CARMIL1: variants seen among roughly 807,000 people sequenced by gnomAD.
CARMIL1 encodes F-actin-uncapping protein LRRC16A.
A neutral mutation model predicts 177.1 loss-of-function variants in CARMIL1; 90 were observed. The ratio of observed to expected loss-of-function variants is 0.51; its 90% CI spans 0.43 to 0.61. The LOEUF (loss-of-function observed/expected upper bound fraction) is 0.61, where lower values mean the gene tolerates loss of function less well. Ranked by LOEUF, CARMIL1 falls within the 20% of genes least tolerant of loss-of-function variation. CARMIL1 has a pLI of 0.00. For synonymous variants in CARMIL1, 577 were observed against 606.2 expected (o/e 0.95, Z 0.71); for missense variants, 1,380 against 1,667.0 (o/e 0.83, Z 3.00).
intron 26 of CARMIL1, 109 bp downstream of exon 26, chr6:25,540,187 T>C: frequency 9.9e-7 from 1 of 1,007,864 alleles, no homozygotes; most frequent in Non-Finnish European, 1.3e-6. Context: ...GTGTGCATGC[T>C]GCAAAGATGT....
intron 29 of CARMIL1, among the ~76,000 whole-genome samples, chr6:25,560,697 G>A (rs554239810): frequency 2.6e-5 from 4 of 152,270 alleles, no homozygotes; most frequent in Admixed American, 6.5e-5. Context: ...CTGCTATAAT[G>A]AGTATATGGA....
intron 8 of CARMIL1, among the ~76,000 whole-genome samples, chr6:25,451,564 G>A (rs558046361): frequency 6.6e-6 from 1 of 152,104 alleles, no homozygotes; most frequent in Non-Finnish European, 1.5e-5. Context: ...TATATTTAGG[G>A]CTATGGCTTG....
intron 2 of CARMIL1, among the ~76,000 whole-genome samples, chr6:25,379,186 A>T (rs2150475834): frequency 6.6e-6 from 1 of 152,318 alleles, no homozygotes; most frequent in East Asian, 1.9e-4. Context: ...TCATGCCATT[A>T]TTAGCTTTGT....
intron 17 of CARMIL1, among the ~76,000 whole-genome samples, chr6:25,501,848 G>T (rs7743652): frequency 0.13 from 19,252 of 151,858 alleles, 1,650 homozygotes; most frequent in Admixed American, 0.18. Flanking sequence ...TTCTAGAAAT[G>T]GACAAGTCTG....
rs368383343 is a variant in CARMIL1 at position 25,620,460 on chromosome 6, CTTACA to C, written c.*883_*887del. The C allele has an allele frequency of 2.0e-5, 3 of 152,186 alleles. No homozygotes were observed. Among genetic ancestry groups the C allele is most frequent in the Admixed American group, 6.5e-5 (1 of 15,280 alleles). The allele number at this position is 152,186 out of a possible 1,614,324, so 9.4% of individuals were successfully genotyped here. A position where few individuals can be genotyped will look rare whatever the true frequency, so the allele number is the denominator to read the frequency against. On this transcript the variant is annotated 3_prime_UTR_variant, in exon 37 of 37. Transcript: ENST00000329474. ...TTATAAGACATTTCACAAATATTCA[CTTACA>C]TTACAGGCTGGAAGTATTTTATTCA...
At position 25,463,139 on chromosome 6, in the gene CARMIL1, T is replaced by C. The variant is rs114061030; in HGVS notation, c.615-2734T>C. 9.0e-3 allele frequency among the ~76,000 whole-genome samples: 1,369 copies of C among 152,332 alleles called. 7 individuals carry two copies. The highest frequency in any genetic ancestry group is 0.03 in the South Asian group (146 of 4,834). Reference sequence around the variant, plus strand: ...TAAAACAGATTATGAATATGAATCATAGAACAATTTAAAAACATAATAATT... The same window carrying C: ...TAAAACAGATTATGAATATGAATCACAGAACAATTTAAAAACATAATAATT... On this transcript the variant is annotated intron_variant, in intron 8 of 36. Transcript: ENST00000329474.
intron 2 of CARMIL1, among the ~76,000 whole-genome samples, chr6:25,327,948 A>T (rs890142916): frequency 6.6e-6 from 1 of 152,210 alleles, no homozygotes; most frequent in Non-Finnish European, 1.5e-5. Flanking sequence ...AAGCTATAGA[A>T]CATTGGGGCT....
At chr6:25,315,642 C>G (rs545575147) in intron 2 of CARMIL1, among the ~76,000 whole-genome samples, 22 of 152,228 alleles carry the variant, frequency 1.4e-4, no homozygotes, top group Non-Finnish European at 3.1e-4. Context: ...CTTATTCTTT[C>G]TATGACAAAA....
intron 36 of CARMIL1, chr6:25,612,693 A>G: frequency 1.1e-6 from 1 of 877,338 alleles, no homozygotes; most frequent in Non-Finnish European, 1.4e-6. Flanking sequence ...ACATTGATGT[A>G]TGTGCTAATA....
intron 2 of CARMIL1, among the ~76,000 whole-genome samples, chr6:25,341,606 T>C (rs1468404110): frequency 5.3e-5 from 8 of 152,204 alleles, no homozygotes; most frequent in African/African-American, 1.9e-4. Flanking sequence ...TAGTCCCAGC[T>C]ACTTGGGAGG....
intron 2 of CARMIL1, among the ~76,000 whole-genome samples, chr6:25,300,515 G>A (rs1782773342): frequency 6.9e-6 from 1 of 145,170 alleles, no homozygotes; most frequent in Admixed American, 6.9e-5. Context: ...AAAATATGGA[G>A]GCACACACTT....
intron 4 of CARMIL1, among the ~76,000 whole-genome samples, chr6:25,434,484 C>G (rs1023306582): frequency 2.0e-5 from 3 of 150,260 alleles, no homozygotes; most frequent in Admixed American, 6.6e-5. Flanking sequence ...CCTTAATATT[C>G]CAAGTATCCC....
chr6:25,536,200 A>G (rs1463162187), intron 24 of CARMIL1, among the ~76,000 whole-genome samples: 1 of 152,196 alleles, frequency 6.6e-6, no homozygotes, highest in Non-Finnish European at 1.5e-5. Context: ...TTGGTAAGAT[A>G]TGAATTATTA....
intron 8 of CARMIL1, chr6:25,465,579 T>C (rs1327082546): frequency 3.1e-6 from 1 of 324,554 alleles, no homozygotes; most frequent in Non-Finnish European, 5.6e-6. Context: ...GTTATTGGTA[T>C]GGACTTAGAG....
intron 36 of CARMIL1, among the ~76,000 whole-genome samples, chr6:25,615,773 G>A (rs1302391939): frequency 1.3e-5 from 2 of 152,190 alleles, no homozygotes; most frequent in East Asian, 1.9e-4. Flanking sequence ...GCCAACTACT[G>A]AATACTATTT....
chr6:25,531,330 C>G (rs1400121452), intron 24 of CARMIL1, among the ~76,000 whole-genome samples: 3 of 12,668 alleles, frequency 2.4e-4, no homozygotes, highest in Non-Finnish European at 3.6e-4. Flanking sequence ...GTTGCTTCTT[C>G]TTTGAAAGAA....
intron 29 of CARMIL1, among the ~76,000 whole-genome samples, chr6:25,578,307 T>G (rs1219493329): frequency 6.6e-6 from 1 of 152,180 alleles, no homozygotes. Flanking sequence ...AAGAAGATGG[T>G]AAAGTCAGAT....
rs1813104123 is a variant in CARMIL1 at position 25,581,376 on chromosome 6, G to C, written c.2943G>C (p.Lys981Asn). 6 of 1,613,656 alleles carry C rather than the reference G, an allele frequency of 3.7e-6. No individual in the cohort carries two copies. The East Asian group carries it at 1.3e-4, about 36-fold the overall frequency. Residue 981 changes from lysine (K) to asparagine (N), a missense_variant, in exon 31 of 37, where the codon AAG (lysine) becomes AAC (asparagine). Physicochemically the swap from Lys to Asn is moderately conservative, Grantham distance 94 (BLOSUM62 0). Coordinates refer to ENST00000329474, the MANE Select transcript of CARMIL1 (RefSeq NM_017640.6). ...ISELPSEEGKKLEHFTKLRPK... is the reference protein window; with the variant it reads ...ISELPSEEGKNLEHFTKLRPK... The stretch of plus-strand genomic sequence containing the variant: ...AGTTGCCCTCTGAAGAGGGGAAGAA[G>C]CTGGAACACTTTACCAAGTTAAGGC...
chr6:25,551,392 C>G (rs1417347662), intron 27 of CARMIL1, among the ~76,000 whole-genome samples: 1 of 152,128 alleles, frequency 6.6e-6, no homozygotes, highest in Non-Finnish European at 1.5e-5. Context: ...GTTTATCTTT[C>G]ACCTTTACAG....
Sources: gnomAD v4.1 joint callset for allele counts (sites outside exome capture counted in the v4.1 genomes callset) on GRCh38, gnomAD v4.1.1 for gene constraint, MANE v1.5 for transcripts, NCBI Gene and HGNC (gene_info 2026-07-23, HGNC 2026-07-21) for gene names.